The following PPP2R2B variants were observed in gnomAD, a reference collection of about 807,000 sequenced individuals.
The protein encoded by PPP2R2B is serine/threonine-protein phosphatase 2A 55 kDa regulatory subunit B beta isoform.
PPP2R2B carries 5 observed loss-of-function variants against 46.0 expected under a neutral mutation model. The observed-to-expected ratio is 0.11, with a 90% CI of 0.06 to 0.23. The LOEUF is 0.23. Among genes scored for constraint, PPP2R2B ranks in the 10% least tolerant of loss-of-function variants. The pLI, the probability that PPP2R2B is intolerant of heterozygous loss-of-function variation, is 1.00. For synonymous variants in PPP2R2B, 215 were observed against 206.7 expected (o/e 1.04, Z -0.34); for missense variants, 367 against 575.0 (o/e 0.64, Z 3.70).
At chr5:146,637,888 AC>A (rs1390849423) in intron 7 of PPP2R2B, among the ~76,000 whole-genome samples, 1 of 151,476 alleles carries the variant, frequency 6.6e-6, no homozygotes, top group Non-Finnish European at 1.5e-5. Context: ...ATTTCCACTC[AC>A]CTCTTTGTCC....
chr5:147,023,298 G>A (rs898046461), intron 1 of PPP2R2B, among the ~76,000 whole-genome samples: 1 of 152,058 alleles, frequency 6.6e-6, no homozygotes, highest in Non-Finnish European at 1.5e-5. Context: ...ATTCAGTAGA[G>A]GAGATAGTAT....
upstream of PPP2R2B, among the ~76,000 whole-genome samples, chr5:146,881,164 T>C (rs1179110205): frequency 6.6e-6 from 1 of 152,176 alleles, no homozygotes; most frequent in Non-Finnish European, 1.5e-5. Flanking sequence ...TCAAGTTCTT[T>C]CCAAAAGTGG....
At chr5:146,692,691 G>T (rs1348967623) in intron 4 of PPP2R2B, among the ~76,000 whole-genome samples, 1 of 151,600 alleles carries the variant, frequency 6.6e-6, no homozygotes, top group Non-Finnish European at 1.5e-5. Context: ...CCACCACCAC[G>T]CCCGGCTAAT....
intron 5 of PPP2R2B, among the ~76,000 whole-genome samples, chr5:146,681,726 A>C (rs1389239775): frequency 6.6e-6 from 1 of 152,184 alleles, no homozygotes; most frequent in Non-Finnish European, 1.5e-5. Flanking sequence ...CAAGATCCTT[A>C]CTTGCAAAGC....
At chr5:146,753,904 T>C (rs961259987) in intron 2 of PPP2R2B, among the ~76,000 whole-genome samples, 2 of 152,110 alleles carry the variant, frequency 1.3e-5, no homozygotes, top group African/African-American at 4.8e-5. Context: ...AAGTCCTTTG[T>C]AAACAGCAGT....
chr5:146,853,335 T>C (rs140237712), intron 2 of PPP2R2B, among the ~76,000 whole-genome samples: 8 of 152,274 alleles, frequency 5.3e-5, no homozygotes, highest in African/African-American at 1.9e-4. Context: ...TAGAGTTCCA[T>C]GTAGTTTAAA....
chr5:146,721,519 C>G (rs1196817301), intron 2 of PPP2R2B, among the ~76,000 whole-genome samples: 6 of 152,206 alleles, frequency 3.9e-5, no homozygotes, highest in Non-Finnish European at 7.3e-5. Flanking sequence ...TCCTGGCACT[C>G]TCCCAACATG....
chr5:146,689,785 C>A (rs541074999), intron 5 of PPP2R2B, among the ~76,000 whole-genome samples: 1 of 152,300 alleles, frequency 6.6e-6, no homozygotes, highest in East Asian at 1.9e-4. Flanking sequence ...CAAGTCCACC[C>A]AGAATGATAA....
chr5:146,988,008 A>T (rs900013247), intron 1 of PPP2R2B, among the ~76,000 whole-genome samples: 1 of 151,994 alleles, frequency 6.6e-6, no homozygotes, highest in African/African-American at 2.4e-5. Flanking sequence ...AGTAAAAAAT[A>T]ATTTTAAGAG....
intron 2 of PPP2R2B, chr5:146,751,652 A>T (rs1182948492): frequency 6.6e-6 from 1 of 152,214 alleles, no homozygotes; most frequent in African/African-American, 2.4e-5. Context: ...ACCCTCATGG[A>T]GTTTACATTC....
At chr5:146,597,775 T>A (rs1771330585) in intron 8 of PPP2R2B, among the ~76,000 whole-genome samples, 1 of 152,212 alleles carries the variant, frequency 6.6e-6, no homozygotes, top group African/African-American at 2.4e-5. Context: ...CTACTTATTT[T>A]ACTAAAGAAA....
intron 1 of PPP2R2B, among the ~76,000 whole-genome samples, chr5:146,966,844 C>A (rs1342823477): frequency 1.3e-5 from 2 of 152,134 alleles, no homozygotes; most frequent in African/African-American, 2.4e-5. Flanking sequence ...ACATAGATCA[C>A]CTCATTTAAT....
At chr5:146,982,525 G>T (rs76896552) in intron 1 of PPP2R2B, among the ~76,000 whole-genome samples, 5,543 of 152,198 alleles carry the variant, frequency 0.036, 156 homozygotes, top group Non-Finnish European at 0.058. Flanking sequence ...TGAGTGTAGG[G>T]TTCTATAAAT....
At chr5:146,785,698 AAGTC>A (rs1755790646) in intron 2 of PPP2R2B, among the ~76,000 whole-genome samples, 1 of 152,228 alleles carries the variant, frequency 6.6e-6, no homozygotes, top group South Asian at 2.1e-4. Context: ...AATTTTTAAA[AAGTC>A]AGATAAGTTT....
rs557336381 is a variant in PPP2R2B at position 146,899,397 on chromosome 5, T to G, written c.79+156268A>C. On this transcript the variant is annotated intron_variant, in intron 1 of 8. Transcript: ENST00000336640. ...GAACAAAAAACCAAACACCGCATAT[T>G]CTCACTCATAGGTGGGAATTGAACA... Among the ~76,000 whole-genome samples, 645 of 144,564 alleles carry G rather than the reference T, an allele frequency of 4.5e-3. 2 individuals carry two copies. The highest frequency in any genetic ancestry group is 7.6e-3 in the Non-Finnish European group (510 of 67,074). The allele number at this position is 144,564 out of a possible 152,430, so 94.8% of individuals were successfully genotyped here. A position where few individuals can be genotyped will look rare whatever the true frequency, so the allele number is the denominator to read the frequency against.
chr5:146,702,665 T>C (rs1376323476), intron 2 of PPP2R2B, among the ~76,000 whole-genome samples: 2 of 152,250 alleles, frequency 1.3e-5, no homozygotes, highest in African/African-American at 4.8e-5. Context: ...TTAAAGTTTA[T>C]ACATTGGCAA....
intron 2 of PPP2R2B, among the ~76,000 whole-genome samples, chr5:146,848,760 T>G (rs1336222172): frequency 6.6e-6 from 1 of 152,196 alleles, no homozygotes; most frequent in Non-Finnish European, 1.5e-5. Context: ...AGCTCACCCT[T>G]AAGGCTTAGG....
At chr5:146,979,190 C>T (rs1050339267) in intron 1 of PPP2R2B, among the ~76,000 whole-genome samples, 1 of 152,168 alleles carries the variant, frequency 6.6e-6, no homozygotes, top group Non-Finnish European at 1.5e-5. Flanking sequence ...ACATTTCTCT[C>T]AGTTAACTGC....
At chr5:146,786,896 C>A (rs547816212) in intron 2 of PPP2R2B, among the ~76,000 whole-genome samples, 1 of 152,144 alleles carries the variant, frequency 6.6e-6, no homozygotes, top group African/African-American at 2.4e-5. Context: ...TTCTTTATAA[C>A]GAAGCTAACA....
Sources: allele counts gnomAD v4.1 joint callset (sites outside exome capture counted in the v4.1 genomes callset), GRCh38; gene constraint gnomAD v4.1.1; transcripts MANE v1.5; gene names NCBI Gene and HGNC (gene_info 2026-07-23, HGNC 2026-07-21).